SOBP: variants seen among roughly 807,000 people sequenced by gnomAD.
The protein encoded by SOBP is sine oculis binding protein homolog.
A neutral mutation model predicts 53.6 loss-of-function variants in SOBP; 4 were observed. The observed-to-expected ratio is 0.07, with a 90% CI of 0.04 to 0.17. The LOEUF (loss-of-function observed/expected upper bound fraction) is 0.17, where lower values mean the gene tolerates loss of function less well. Among genes scored for constraint, SOBP ranks in the 10% least tolerant of loss-of-function variants. SOBP has a pLI of 1.00. For synonymous variants in SOBP, 584 were observed against 522.6 expected (o/e 1.12, Z -1.60); for missense variants, 1,088 against 1,204.7 (o/e 0.90, Z 1.43).
chr6:107,657,895 G>C, intron 6 of SOBP, among the ~76,000 whole-genome samples: 1 of 152,024 alleles, frequency 6.6e-6, no homozygotes, highest in South Asian at 2.1e-4. Context: ...GGAGGGGGAG[G>C]GTTGCTGGGT....
intron 3 of SOBP, among the ~76,000 whole-genome samples, chr6:107,519,739 T>C (rs1783424934): frequency 1.3e-5 from 2 of 152,188 alleles, no homozygotes; most frequent in African/African-American, 4.8e-5. Flanking sequence ...AAGAATTACC[T>C]CTGCAATTGA....
chr6:107,498,056 A>G (rs1174582167), intron 1 of SOBP, among the ~76,000 whole-genome samples: 1 of 152,190 alleles, frequency 6.6e-6, no homozygotes, highest in South Asian at 2.1e-4. Context: ...ATTTTATTTG[A>G]TCATTTCTCT....
intron 6 of SOBP, among the ~76,000 whole-genome samples, chr6:107,649,654 A>T (rs186190471): frequency 6.7e-6 from 1 of 149,438 alleles, no homozygotes; most frequent in Non-Finnish European, 1.5e-5. Context: ...GCCATCTGCT[A>T]TAGTGTGTTT....
intron 5 of SOBP, among the ~76,000 whole-genome samples, chr6:107,617,687 A>G (rs530493794): frequency 6.6e-6 from 1 of 152,322 alleles, no homozygotes; most frequent in Non-Finnish European, 1.5e-5. Context: ...ACTGGTGTTC[A>G]GCAAAGAAGC....
At chr6:107,651,658 A>G (rs1771807110) in intron 6 of SOBP, among the ~76,000 whole-genome samples, 1 of 152,218 alleles carries the variant, frequency 6.6e-6, no homozygotes, top group South Asian at 2.1e-4. Context: ...TATAGATAAA[A>G]CAGCTTTATA....
At chr6:107,533,316 A>G in intron 3 of SOBP, 143 bp from the exon 4 acceptor site, 1 of 465,968 alleles carries the variant, frequency 2.1e-6, no homozygotes, top group Non-Finnish European at 3.9e-6. Flanking sequence ...AAAGAGAGAG[A>G]GAGAGAGAAA....
chr6:107,541,659 G>A (rs1431702376), intron 4 of SOBP, among the ~76,000 whole-genome samples: 1 of 152,114 alleles, frequency 6.6e-6, no homozygotes, highest in Non-Finnish European at 1.5e-5. Context: ...TTTTTATGTG[G>A]ATCTCATAAA....
intron 3 of SOBP, among the ~76,000 whole-genome samples, chr6:107,526,329 G>A (rs926032777): frequency 6.6e-6 from 1 of 152,058 alleles, no homozygotes; most frequent in African/African-American, 2.4e-5. Context: ...CTCCCCCTAT[G>A]CCAAAATGAC....
chr6:107,589,307 C>T (rs1785668625), intron 5 of SOBP, among the ~76,000 whole-genome samples: 1 of 152,198 alleles, frequency 6.6e-6, no homozygotes, highest in South Asian at 2.1e-4. Context: ...GGCTGGACGA[C>T]TAGTCCTCTG....
At position 107,508,421 on chromosome 6, in the gene SOBP, C is replaced by T. The variant is rs576900383; in HGVS notation, c.421+1994C>T. Among the ~76,000 whole-genome samples, 4 of 152,018 alleles carry T rather than the reference C, an allele frequency of 2.6e-5. No individual in the cohort carries two copies. In the South Asian group the frequency reaches 8.3e-4, roughly 32 times the overall value. On this transcript the variant is annotated intron_variant, in intron 3 of 6. Transcript: ENST00000317357. ...TGGAGAAACCCCGTCTCTACTAAAA[C>T]TGCAAAAATTAGCCAGGCGTGTTGG...
chr6:107,617,820 CTTTTTTTT>C lies in SOBP; in HGVS notation c.670-15676_670-15669del, dbSNP rs71551315. Among the ~76,000 whole-genome samples, 14 of 101,188 alleles carry C rather than the reference CTTTTTTTT, an allele frequency of 1.4e-4. No individual in the cohort carries two copies. In the Admixed American group the frequency reaches 1.6e-3, roughly 12 times the overall value. 66.4% of individuals were successfully genotyped at this position (101,188 alleles called of 152,430 possible). A position where few individuals can be genotyped will look rare whatever the true frequency, so the allele number is the denominator to read the frequency against. ...GGCAGCTTGGGTTGTTGTATGACTC[CTTTTTTTT>C]TTTTTTTTTTTTTTTTTCTGAGACG... On this transcript the variant is annotated intron_variant, in intron 5 of 6. Transcript: ENST00000317357.
intron 1 of SOBP, among the ~76,000 whole-genome samples, chr6:107,493,611 G>GT (rs1313194245): frequency 2.0e-5 from 3 of 152,188 alleles, no homozygotes; most frequent in Admixed American, 6.5e-5. Flanking sequence ...AAAAGGACTG[G>GT]TGTGTATGTG....
rs779840107 is a variant in SOBP at position 107,635,379 on chromosome 6, C to T, written c.2535C>T (p.Ile845=). The change falls in exon 6 of 7, where the codon ATC becomes ATT. Residue 845 remains isoleucine, a synonymous_variant. Transcript: ENST00000317357. This position sits in a 1 kb window ranked among gnomAD's most constrained non-coding sequence, Gnocchi z 4.5. Reference sequence around the variant, plus strand: ...AGGCTGCCATGGCACCGTGCATCATCTCCTCGCCCATGCTCAGCGCCGGGC... The same window carrying T: ...AGGCTGCCATGGCACCGTGCATCATTTCCTCGCCCATGCTCAGCGCCGGGC... ...AEKAAMAPCI[I]SSPMLSAGPE... The T allele has an allele frequency of 1.2e-6, 2 of 1,613,542 alleles. No homozygotes were observed. Among genetic ancestry groups the T allele is most frequent in the South Asian group, 2.2e-5 (2 of 91,084 alleles).
intron 4 of SOBP, among the ~76,000 whole-genome samples, chr6:107,567,469 A>G (rs1038181301): frequency 6.6e-6 from 1 of 152,222 alleles, no homozygotes; most frequent in Non-Finnish European, 1.5e-5. Context: ...TAATGTGTAT[A>G]TACCTAATCT....
At chr6:107,582,863 A>C (rs1317348590) in intron 4 of SOBP, among the ~76,000 whole-genome samples, 1 of 152,198 alleles carries the variant, frequency 6.6e-6, no homozygotes, top group Non-Finnish European at 1.5e-5. Flanking sequence ...GTCCACTCTC[A>C]AGAGGCAATT....
intron 4 of SOBP, among the ~76,000 whole-genome samples, chr6:107,560,401 C>G (rs1234193212): frequency 2.0e-5 from 3 of 152,154 alleles, no homozygotes; most frequent in Non-Finnish European, 4.4e-5. Context: ...CACCTGCTCC[C>G]TTTCCAGGGT....
chr6:107,592,768 CTT>C (rs146329262), intron 5 of SOBP, among the ~76,000 whole-genome samples: 9,182 of 152,260 alleles, frequency 0.06, 302 homozygotes, highest in African/African-American at 0.076. Context: ...TCTAGAGAAA[CTT>C]AGCCTGTCTC....
chr6:107,503,554 G>C, intron 1 of SOBP, 103 bp from the exon 2 acceptor site: 1 of 1,271,998 alleles, frequency 7.9e-7, no homozygotes, highest in Non-Finnish European at 1.1e-6. Context: ...AGTGAGGCAG[G>C]GCTGCAAATA....
intron 1 of SOBP, among the ~76,000 whole-genome samples, chr6:107,497,333 T>G (rs1210170560): frequency 1.3e-5 from 2 of 152,256 alleles, no homozygotes; most frequent in Admixed American, 1.3e-4. Flanking sequence ...CAGAATGTTT[T>G]GAAGTTAAGT....
Sources: allele counts gnomAD v4.1 joint callset (sites outside exome capture counted in the v4.1 genomes callset), GRCh38; gene constraint gnomAD v4.1.1; non-coding constraint Gnocchi (gnomAD v3.1); transcripts MANE v1.5; gene names NCBI Gene and HGNC (gene_info 2026-07-23, HGNC 2026-07-21).